The following ADAMTS14 variants were observed in gnomAD, a reference collection of about 807,000 sequenced individuals.
The protein encoded by ADAMTS14 is A disintegrin and metalloproteinase with thrombospondin motifs 14.
A neutral mutation model predicts 128.6 loss-of-function variants in ADAMTS14; 100 were observed. The observed-to-expected ratio is 0.78, with a 90% CI of 0.66 to 0.92. The LOEUF is 0.92. ADAMTS14 is among the 40% of genes least tolerant of loss of function. The probability of loss-of-function intolerance (pLI) is 0.00; values close to 1 mark genes in which losing one functional copy is unlikely to be tolerated. For missense variants in ADAMTS14, 1,562 were observed against 1,658.6 expected (o/e 0.94, Z 1.01); for synonymous variants, 665 against 653.8 (o/e 1.02, Z -0.26).
chr10:70,743,763 G>T, intron 13 of ADAMTS14, 82 bp downstream of exon 13: 1 of 1,455,568 alleles, frequency 6.9e-7, no homozygotes, highest in South Asian at 1.5e-5. Context: ...CTGGGAAGAT[G>T]AGCATTGCCT....
intron 17 of ADAMTS14, 115 bp downstream of exon 17, chr10:70,751,761 T>C: frequency 1.4e-6 from 2 of 1,379,830 alleles, no homozygotes; most frequent in South Asian, 2.8e-5. Flanking sequence ...ATGACTCAGT[T>C]TCTCCTTGAA....
chr10:70,714,211 A>T (rs866244877), intron 4 of ADAMTS14, among the ~76,000 whole-genome samples: 2 of 152,132 alleles, frequency 1.3e-5, no homozygotes, highest in Non-Finnish European at 2.9e-5. Context: ...AAAAAAAAGA[A>T]TATCATTGTA....
intron 4 of ADAMTS14, among the ~76,000 whole-genome samples, chr10:70,717,401 G>T (rs978113078): frequency 2.6e-5 from 4 of 152,170 alleles, no homozygotes; most frequent in Admixed American, 2.6e-4. Context: ...AGGTTGTGGG[G>T]GTAGGGTTGA....
rs796446946 is a variant in ADAMTS14 at position 70,734,761 on chromosome 10, C to A, written c.1353-408C>A. On this transcript the variant is annotated intron_variant, in intron 8 of 21. Transcript: ENST00000373207. The stretch of plus-strand genomic sequence containing the variant: ...CCCGTACAGGAGCTGGCCAGGGCGG[C>A]TCGCCCAGGGTCCATCTTGCATGGT... 1.3e-4 allele frequency among the ~76,000 whole-genome samples: 20 copies of A among 152,306 alleles called. 1 individual carries two copies. The highest frequency in any genetic ancestry group is 4.8e-4 in the African/African-American group (20 of 41,564).
chr10:70,757,822 C>A, intron 19 of ADAMTS14, 140 bp from the exon 20 acceptor site: 1 of 1,285,232 alleles, frequency 7.8e-7, no homozygotes, highest in East Asian at 2.4e-5. Flanking sequence ...TCCCTCTGGT[C>A]AAGTGAAGAC....
At chr10:70,738,494 G>A (rs140017800) in intron 10 of ADAMTS14, among the ~76,000 whole-genome samples, 137 of 152,332 alleles carry the variant, frequency 9.0e-4, no homozygotes, top group African/African-American at 3.2e-3. Flanking sequence ...TCTAGCTAGT[G>A]TGGGAAGATT....
Position 70,762,433 on chromosome 10 carries a change from A to G in ADAMTS14, c.*1580A>G, listed in dbSNP as rs3740434. Reference sequence around the variant, plus strand: ...ATGTATTTATTAACATCGCCATTGGACCCCAAAAGGTTGTGTGTGTGTTTC... The same window carrying G: ...ATGTATTTATTAACATCGCCATTGGGCCCCAAAAGGTTGTGTGTGTGTTTC... On this transcript the variant is annotated 3_prime_UTR_variant, in exon 22 of 22. Transcript: ENST00000373207. The G allele has an allele frequency of 0.61, 93,018 of 152,164 alleles. 28,685 individuals are homozygous for G. The highest frequency in any genetic ancestry group is 0.7 in the East Asian group (3,602 of 5,160). 9.4% of individuals were successfully genotyped at this position (152,164 alleles called of 1,614,324 possible).
chr10:70,703,049 C>G (rs1189133216), intron 3 of ADAMTS14, among the ~76,000 whole-genome samples: 2 of 152,236 alleles, frequency 1.3e-5, no homozygotes, highest in East Asian at 3.8e-4. Context: ...GTGATGGTAT[C>G]TGTGAAAATC....
chr10:70,760,489 G>A lies in ADAMTS14; in HGVS notation c.3308G>A (p.Gly1103Asp), dbSNP rs1434010256. Residue 1103 changes from glycine (G) to aspartate (D), a missense_variant, in exon 22 of 22, where the codon GGC (glycine) becomes GAC (aspartate). Physicochemically the swap from Gly to Asp is moderately conservative, Grantham distance 94. Coordinates refer to ENST00000373207, the MANE Select transcript of ADAMTS14 (RefSeq NM_080722.4). Reference sequence around the variant, plus strand: ...AAGAAGGCCTCGGGCCCCAACCCTGGCCCAGACCCTGGCCCAACCTCACTG... The same window carrying A: ...AAGAAGGCCTCGGGCCCCAACCCTGACCCAGACCCTGGCCCAACCTCACTG... ...CIKKASGPNPGPDPGPTSLPP... is the reference protein window; with the variant it reads ...CIKKASGPNPDPDPGPTSLPP... 6.2e-7 allele frequency: 1 copy of A among 1,613,776 alleles called. No homozygotes were observed. The highest frequency in any genetic ancestry group is 8.5e-7 in the Non-Finnish European group (1 of 1,179,968).
At chr10:70,748,107 C>T (rs867485356) in intron 15 of ADAMTS14, among the ~76,000 whole-genome samples, 1 of 152,130 alleles carries the variant, frequency 6.6e-6, no homozygotes, top group Admixed American at 6.5e-5. Flanking sequence ...ACTTTTCATG[C>T]GTATGTTTAG....
intron 3 of ADAMTS14, among the ~76,000 whole-genome samples, chr10:70,706,924 G>A (rs1840685036): frequency 6.6e-6 from 1 of 152,228 alleles, no homozygotes; most frequent in South Asian, 2.1e-4. Context: ...TCACCCACGT[G>A]TGGACGGGGT....
At chr10:70,696,517 A>G (rs1054223710) in intron 2 of ADAMTS14, among the ~76,000 whole-genome samples, 23 of 152,240 alleles carry the variant, frequency 1.5e-4, no homozygotes, top group African/African-American at 5.3e-4. Flanking sequence ...GCACGCGTGG[A>G]GTAAGTGGAT....
intron 19 of ADAMTS14, 87 bp from the exon 20 acceptor site, chr10:70,757,875 T>C: frequency 3.3e-6 from 5 of 1,504,522 alleles, no homozygotes; most frequent in Non-Finnish European, 4.4e-6. Context: ...GGGCACTGGC[T>C]GGGCTCTGAG....
chr10:70,730,283 G>T lies in ADAMTS14; in HGVS notation c.1102+34G>T, dbSNP rs373302291. Reference sequence around the variant, plus strand: ...GGTACTGTATTTGCCATGGCCAGGTGTGTGCAGCATGCACGGCAGACAGAG... The same window carrying T: ...GGTACTGTATTTGCCATGGCCAGGTTTGTGCAGCATGCACGGCAGACAGAG... On this transcript the variant is annotated intron_variant, in intron 6 of 21. Transcript: ENST00000373207. 3.6e-4 allele frequency: 572 copies of T among 1,603,128 alleles called. 6 individuals are homozygous for T. The South Asian group carries it at 4.0e-3, about 11-fold the overall frequency.
At chr10:70,717,207 A>G (rs2132636155) in intron 4 of ADAMTS14, among the ~76,000 whole-genome samples, 1 of 152,300 alleles carries the variant, frequency 6.6e-6, no homozygotes, top group South Asian at 2.1e-4. Context: ...CCTTAGTCCT[A>G]TGGAATAATC....
chr10:70,681,980 C>A (rs1347293029), intron 2 of ADAMTS14, among the ~76,000 whole-genome samples: 2 of 152,260 alleles, frequency 1.3e-5, no homozygotes, highest in Non-Finnish European at 2.9e-5. Context: ...CCTGCCCTGT[C>A]CAGGCTGGCC....
At position 70,760,811 on chromosome 10, in the gene ADAMTS14, A is replaced by G. The variant is rs10823616; in HGVS notation, c.3630A>G (p.Arg1210=). The change falls in exon 22 of 22, where the codon AGA becomes AGG. Residue 1210 remains arginine (R), a synonymous_variant. Transcript: ENST00000373207. Reference sequence around the variant, plus strand: ...AAGGGCAACCTGGAGAAGACCTGAGACATCCCGGCACCAGCCTCCCTGCTG... The same window carrying G: ...AAGGGCAACCTGGAGAAGACCTGAGGCATCCCGGCACCAGCCTCCCTGCTG... The part of the protein sequence containing the change: ...EDKGQPGEDL[R]HPGTSLPAAS... 367,552 of 1,594,224 alleles carry G rather than the reference A, an allele frequency of 0.23. 43,852 individuals carry two copies. The highest frequency in any genetic ancestry group is 0.33 in the Admixed American group (18,997 of 58,216).
At chr10:70,702,279 T>C in intron 2 of ADAMTS14, 33 bp from the exon 3 acceptor site, 1 of 1,613,650 alleles carries the variant, frequency 6.2e-7, no homozygotes, top group East Asian at 2.2e-5. Flanking sequence ...CTCTTATTTC[T>C]CTCTTTCCCG....
chr10:70,739,906 A>G (rs193011282), intron 11 of ADAMTS14, among the ~76,000 whole-genome samples: 33 of 152,364 alleles, frequency 2.2e-4, no homozygotes, highest in Admixed American at 2.0e-3. Flanking sequence ...TTCTACACAC[A>G]TGAACCAAAA....
Sources: gnomAD v4.1 joint callset for allele counts (sites outside exome capture counted in the v4.1 genomes callset) on GRCh38, gnomAD v4.1.1 for gene constraint, MANE v1.5 for transcripts, NCBI Gene and HGNC (gene_info 2026-07-23, HGNC 2026-07-21) for gene names.